PIWIL3: variants seen among roughly 807,000 people sequenced by gnomAD.
PIWIL3 encodes piwi-like protein 3.
A neutral mutation model predicts 109.7 loss-of-function variants in PIWIL3; 101 were observed. The observed-to-expected ratio is 0.92, with a 90% CI of 0.78 to 1.09. The LOEUF (loss-of-function observed/expected upper bound fraction) is 1.09. Among genes scored for constraint, PIWIL3 ranks in the 50% least tolerant of loss-of-function variants. The pLI, the probability that PIWIL3 is intolerant of heterozygous loss-of-function variation, is 0.00. For missense variants in PIWIL3, 1,031 were observed against 1,072.6 expected (o/e 0.96, Z 0.54); for synonymous variants, 373 against 376.4 (o/e 0.99, Z 0.10).
At chr22:24,738,065 C>T (rs1030600031) in intron 12 of PIWIL3, among the ~76,000 whole-genome samples, 2 of 152,080 alleles carry the variant, frequency 1.3e-5, no homozygotes, top group African/African-American at 4.8e-5. Context: ...GCATGAGAAT[C>T]GCTTGAACCC....
At position 24,763,205 on chromosome 22, in the gene PIWIL3, C is replaced by T. The variant is rs570761654; in HGVS notation, c.-22-684G>A. The stretch of plus-strand genomic sequence containing the variant: ...TGTCACCCAGGCTGGAGTGCAGTGG[C>T]GCAATCTCAGCTCACTGCAACCTCT... On this transcript the variant is annotated intron_variant, in intron 1 of 20. Transcript: ENST00000616349. 6.0e-5 allele frequency among the ~76,000 whole-genome samples: 9 copies of T among 150,466 alleles called. No individual in the cohort carries two copies. In the South Asian group the frequency reaches 1.7e-3, roughly 28 times the overall value.
chr22:24,757,206 A>G (rs955031427), intron 4 of PIWIL3, among the ~76,000 whole-genome samples: 3 of 152,288 alleles, frequency 2.0e-5, no homozygotes, highest in Middle Eastern at 3.4e-3. Context: ...CCCTTATGCA[A>G]GCATACATTT....
At chr22:24,744,089 C>T (rs1214857243) in intron 12 of PIWIL3, among the ~76,000 whole-genome samples, 3 of 137,668 alleles carry the variant, frequency 2.2e-5, no homozygotes, top group Non-Finnish European at 4.6e-5. Context: ...CCGGAAAACA[C>T]ATAACAAAAT....
intron 12 of PIWIL3, among the ~76,000 whole-genome samples, chr22:24,739,457 T>C (rs1208926572): frequency 6.6e-6 from 1 of 151,178 alleles, no homozygotes; most frequent in African/African-American, 2.4e-5. Flanking sequence ...AAGAGAAAAA[T>C]AACATAGAAT....
At chr22:24,732,220 T>C (rs994689009) in intron 14 of PIWIL3, among the ~76,000 whole-genome samples, 4 of 152,260 alleles carry the variant, frequency 2.6e-5, no homozygotes, top group East Asian at 3.8e-4. Flanking sequence ...CCACATGGCT[T>C]GATTCCTAGT....
intron 12 of PIWIL3, among the ~76,000 whole-genome samples, chr22:24,744,178 TA>T (rs1188611412): frequency 0.035 from 1,182 of 34,162 alleles, 2 homozygotes; most frequent in East Asian, 0.059. Context: ...GTGACCGAAT[TA>T]AAAAAAAAAA....
chr22:24,723,809 G>A (rs531730189), intron 18 of PIWIL3, among the ~76,000 whole-genome samples: 2 of 152,224 alleles, frequency 1.3e-5, no homozygotes, highest in Non-Finnish European at 2.9e-5. Context: ...CAAGTAGCTG[G>A]TATTACAGGT....
chr22:24,719,619 A>AT (rs1569093122), intron 20 of PIWIL3, 31 bp from the exon 21 acceptor site: 2 of 1,553,948 alleles, frequency 1.3e-6, no homozygotes, highest in African/African-American at 2.8e-5. Flanking sequence ...ACACAACTAA[A>AT]TTTTTTTCAC....
intron 1 of PIWIL3, among the ~76,000 whole-genome samples, chr22:24,769,237 G>A (rs1601856791): frequency 6.6e-6 from 1 of 152,184 alleles, no homozygotes; most frequent in Non-Finnish European, 1.5e-5. Context: ...TAGTTGTTAT[G>A]TTGTGTTGTT....
rs750240020 is a variant in PIWIL3, at chr22:24,754,047, G to T, written c.944C>A (p.Thr315Asn). 5.0e-6 allele frequency: 8 copies of T among 1,611,048 alleles called. No homozygotes were observed. In the African/African-American group the frequency reaches 9.4e-5, roughly 19 times the overall value. Residue 315 changes from threonine to asparagine, a missense_variant, in exon 8 of 21, where the codon ACT becomes AAT. By Grantham distance (65) the Thr-to-Asn change is moderately conservative. Transcript: ENST00000616349. ...AQTGNIREEV[T>N]NKLIGSIVLT... is the part of the protein sequence containing the mutation. ...AACAATTGATCCAATTAATTTATTA[G>T]TTACTTCCTCTCGGATGTTTCCTGT... is the stretch of plus-strand genomic sequence containing the variant.
chr22:24,725,074 T>C, intron 17 of PIWIL3, 37 bp from the exon 18 acceptor site: 1 of 1,610,908 alleles, frequency 6.2e-7, no homozygotes, highest in Non-Finnish European at 8.5e-7. Flanking sequence ...AAACCGTTAC[T>C]TGGAACAAAC....
chr22:24,725,602 C>T (rs1186210044), intron 16 of PIWIL3, 87 bp from the exon 17 acceptor site: 3 of 1,270,136 alleles, frequency 2.4e-6, no homozygotes, highest in South Asian at 1.2e-5. Flanking sequence ...AAAAATATTA[C>T]TATCAGTAGT....
rs34067865 is a variant in PIWIL3, at chr22:24,769,799, A to AAATAATAAT, written c.-23+4514_-23+4522dup. 1.9e-4 allele frequency: 26 copies of AAATAATAAT among 137,418 alleles called. 1 individual carries two copies. Among genetic ancestry groups the AAATAATAAT allele is most frequent in the South Asian group, 1.2e-3 (5 of 4,028 alleles). The allele number at this position is 137,418 out of a possible 1,614,324, so 8.5% of individuals were successfully genotyped here. ...CAACAACGGCAAAACTCTGTCTCAA[A>AAATAATAAT]AATAATAATAATAATAATAATAAAT... On this transcript the variant is annotated intron_variant, in intron 1 of 20. Transcript: ENST00000616349.
intron 13 of PIWIL3, among the ~76,000 whole-genome samples, 156 bp downstream of exon 13, chr22:24,735,552 C>G (rs941812021): frequency 6.6e-6 from 1 of 152,182 alleles, no homozygotes. Context: ...AACCATATAT[C>G]ACAAAGTCTG....
intron 1 of PIWIL3, among the ~76,000 whole-genome samples, chr22:24,770,358 C>T (rs1405778942): frequency 6.6e-6 from 1 of 152,186 alleles, no homozygotes; most frequent in South Asian, 2.1e-4. Context: ...CTGAGCAGCT[C>T]AGCTTCAAAA....
intron 16 of PIWIL3, among the ~76,000 whole-genome samples, chr22:24,726,336 G>A (rs1202776784): frequency 6.6e-6 from 1 of 150,892 alleles, no homozygotes; most frequent in African/African-American, 2.4e-5. Context: ...AGGCTGGAGT[G>A]CAGTGGCGTG....
In PIWIL3 at chr22:24,728,367, C is replaced by A. The variant is rs1475346904; in HGVS notation, c.1715G>T (p.Cys572Phe). 6.2e-7 allele frequency: 1 copy of A among 1,614,096 alleles called. No individual in the cohort carries two copies. The highest frequency in any genetic ancestry group is 8.5e-7 in the Non-Finnish European group (1 of 1,180,018). Residue 572 changes from cysteine (C) to phenylalanine (F), a missense_variant, in exon 15 of 21, where the codon TGT becomes TTT. By Grantham distance (205) the Cys-to-Phe change is radical. Transcript: ENST00000616349. The stretch of plus-strand genomic sequence containing the variant: ...ACGTTTGTCATCATTGGGCAGGATA[C>A]AAATCACCTTGAAAACCAGCAAACA... ...YTRPTLQMVICILPNDDKRRY... is the reference protein window; with the variant it reads ...YTRPTLQMVIFILPNDDKRRY...
intron 12 of PIWIL3, among the ~76,000 whole-genome samples, chr22:24,748,019 T>C (rs1258567538): frequency 6.6e-6 from 1 of 152,154 alleles, no homozygotes; most frequent in East Asian, 1.9e-4. Flanking sequence ...TAACCCAGAT[T>C]TGGAAGCAAT....
chr22:24,732,281 AC>A (rs1276883186), intron 14 of PIWIL3, among the ~76,000 whole-genome samples: 1 of 152,134 alleles, frequency 6.6e-6, no homozygotes. Flanking sequence ...TTCCATCTGT[AC>A]TGGAACAGTT....
Sources: allele counts gnomAD v4.1 joint callset (sites outside exome capture counted in the v4.1 genomes callset), GRCh38; gene constraint gnomAD v4.1.1; transcripts MANE v1.5; gene names NCBI Gene and HGNC (gene_info 2026-07-23, HGNC 2026-07-21).